The following UCK2 variants were observed in gnomAD, a reference collection of about 807,000 sequenced individuals.
UCK2 encodes uridine-cytidine kinase 2.
Under a neutral mutation model 30.8 loss-of-function variants are expected in UCK2, and 6 were observed. That is an observed-to-expected ratio of 0.19 (90% CI 0.11 to 0.38). The LOEUF is 0.38. UCK2 is among the 10% of genes least tolerant of loss of function. The pLI is 1.00. For synonymous variants in UCK2, 125 were observed against 133.6 expected (o/e 0.94, Z 0.45); for missense variants, 210 against 339.8 (o/e 0.62, Z 3.00).
At chr1:165,832,557 G>A (rs1221496609) in intron 1 of UCK2, among the ~76,000 whole-genome samples, 1 of 152,168 alleles carries the variant, frequency 6.6e-6, no homozygotes, top group African/African-American at 2.4e-5. Context: ...GGAAGATGAG[G>A]TTAGGGGAAC....
intron 1 of UCK2, among the ~76,000 whole-genome samples, chr1:165,863,184 T>C (rs1654961037): frequency 6.6e-6 from 1 of 152,230 alleles, no homozygotes; most frequent in Non-Finnish European, 1.5e-5. Context: ...TTTATGCACT[T>C]GAGGGCTCAT....
At chr1:165,870,711 T>C (rs1005495053) in intron 1 of UCK2, among the ~76,000 whole-genome samples, 1 of 152,176 alleles carries the variant, frequency 6.6e-6, no homozygotes, top group Non-Finnish European at 1.5e-5. Context: ...TGGAAGGAGG[T>C]TATCAAGGTA....
chr1:165,877,930 AC>A (rs767373670), intron 1 of UCK2, among the ~76,000 whole-genome samples: 2 of 151,792 alleles, frequency 1.3e-5, no homozygotes, highest in Non-Finnish European at 2.9e-5. Flanking sequence ...TATTATCAAC[AC>A]CCCCCATCAG....
intron 4 of UCK2, chr1:165,902,456 TA>T (rs1647509989): frequency 6.7e-6 from 1 of 148,538 alleles, no homozygotes; most frequent in East Asian, 2.0e-4. Context: ...AAAAGAATGG[TA>T]AAAGCCCCTG....
At chr1:165,880,982 G>A (rs1034015288) in intron 1 of UCK2, among the ~76,000 whole-genome samples, 2 of 151,882 alleles carry the variant, frequency 1.3e-5, no homozygotes, top group African/African-American at 4.8e-5. Context: ...GACCAGCCTG[G>A]CCAACATGTT....
chr1:165,875,566 C>G (rs1655313255), intron 1 of UCK2, among the ~76,000 whole-genome samples: 2 of 152,128 alleles, frequency 1.3e-5, no homozygotes, highest in Non-Finnish European at 2.9e-5. Context: ...TGCCCCTGCC[C>G]CCTGCAGACA....
At chr1:165,874,056 A>G (rs1217377749) in intron 1 of UCK2, among the ~76,000 whole-genome samples, 1 of 152,192 alleles carries the variant, frequency 6.6e-6, no homozygotes, top group Non-Finnish European at 1.5e-5. Context: ...GCAGTCCTCC[A>G]TAACCTTAAT....
Position 165,829,119 on chromosome 1 carries a change from G to T in UCK2, c.99+1187G>T, listed in dbSNP as rs1339010934. 2.0e-5 allele frequency among the ~76,000 whole-genome samples: 3 copies of T among 152,162 alleles called. No homozygotes were observed. The East Asian group carries it at 5.8e-4, about 29-fold the overall frequency. On this transcript the variant is annotated intron_variant, in intron 1 of 6. Transcript: ENST00000367879. ...CCTGGTCTGGACTACTTTAGCGCAA[G>T]GAGCCCAGCCAGACACGGCGGCTGG...
intron 1 of UCK2, among the ~76,000 whole-genome samples, chr1:165,889,592 C>G (rs1010950399): frequency 2.6e-5 from 4 of 151,814 alleles, no homozygotes; most frequent in African/African-American, 9.7e-5. Context: ...AAGTACCTGA[C>G]AGTAGTAAGC....
intron 1 of UCK2, among the ~76,000 whole-genome samples, chr1:165,862,585 G>A (rs546323668): frequency 1.4e-4 from 21 of 152,334 alleles, no homozygotes; most frequent in East Asian, 1.3e-3. Context: ...TGAATGGCCC[G>A]TTGCAGGCTG....
At chr1:165,862,984 C>G (rs72699986) in intron 1 of UCK2, among the ~76,000 whole-genome samples, 40,151 of 152,022 alleles carry the variant, frequency 0.26, 5,508 homozygotes, top group South Asian at 0.46. Context: ...ACTTAGAGAT[C>G]GTTCTGATGG....
At chr1:165,842,413 C>T (rs1654352391) in intron 1 of UCK2, among the ~76,000 whole-genome samples, 1 of 152,136 alleles carries the variant, frequency 6.6e-6, no homozygotes, top group Non-Finnish European at 1.5e-5. Context: ...GAATGAGACC[C>T]CTAACAATAC....
intron 2 of UCK2, 165 bp from the exon 3 acceptor site, chr1:165,891,060 GA>G: frequency 1.6e-6 from 1 of 610,156 alleles, no homozygotes; most frequent in Non-Finnish European, 3.0e-6. Flanking sequence ...GAGATACAGG[GA>G]GCATCCATTC....
rs1421787955 is a variant in UCK2, at chr1:165,861,658, A to T, written c.100-28546A>T. 1.2e-4 allele frequency among the ~76,000 whole-genome samples: 6 copies of T among 49,732 alleles called. 1 individual carries two copies. The highest frequency in any genetic ancestry group is 2.4e-4 in the Non-Finnish European group (6 of 24,956). The allele number at this position is 49,732 out of a possible 152,430, so 32.6% of individuals were successfully genotyped here. A position where few individuals can be genotyped will look rare whatever the true frequency, so the allele number is the denominator to read the frequency against. On this transcript the variant is annotated intron_variant, in intron 1 of 6. Coordinates refer to ENST00000367879, the MANE Select transcript of UCK2 (RefSeq NM_012474.5). ...AAAAAAAAAAAAAAAAACAAAAAAA[A>T]ACAACAGTAAAACTCAATAGCTCTG...
At chr1:165,868,287 T>G (rs1655097022) in intron 1 of UCK2, among the ~76,000 whole-genome samples, 1 of 152,208 alleles carries the variant, frequency 6.6e-6, no homozygotes, top group Admixed American at 6.5e-5. Context: ...TTTGGAATGG[T>G]AAATGAGCAT....
chr1:165,906,005 G>A, intron 6 of UCK2, 36 bp downstream of exon 6: 1 of 1,598,320 alleles, frequency 6.3e-7, no homozygotes, highest in South Asian at 1.1e-5. Flanking sequence ...GGAGTATAAT[G>A]TCTGCCCTTT....
At chr1:165,837,493 C>A (rs948568317) in intron 1 of UCK2, among the ~76,000 whole-genome samples, 2 of 152,152 alleles carry the variant, frequency 1.3e-5, no homozygotes, top group Non-Finnish European at 2.9e-5. Flanking sequence ...GTCCTGGGAC[C>A]CTTCAGTATG....
chr1:165,905,116 G>C (rs1647606468), intron 5 of UCK2, among the ~76,000 whole-genome samples: 1 of 152,188 alleles, frequency 6.6e-6, no homozygotes, highest in Non-Finnish European at 1.5e-5. Flanking sequence ...GTGGAATAGA[G>C]GCAATTAAGT....
At chr1:165,882,738 C>T (rs1655528297) in intron 1 of UCK2, among the ~76,000 whole-genome samples, 1 of 152,208 alleles carries the variant, frequency 6.6e-6, no homozygotes, top group African/African-American at 2.4e-5. Context: ...CTCCTATAGG[C>T]CTACCTTCTA....
Sources: allele counts gnomAD v4.1 joint callset (sites outside exome capture counted in the v4.1 genomes callset), GRCh38; gene constraint gnomAD v4.1.1; transcripts MANE v1.5; gene names NCBI Gene and HGNC (gene_info 2026-07-23, HGNC 2026-07-21).